Variants in IL10RB observed in about 807,000 individuals in gnomAD.
IL10RB encodes the protein interleukin-10 receptor subunit beta.
Under a neutral mutation model 38.7 loss-of-function variants are expected in IL10RB, and 30 were observed. The ratio of observed to expected loss-of-function variants is 0.78; its 90% CI spans 0.58 to 1.05. The LOEUF is 1.05. IL10RB is among the 50% of genes least tolerant of loss of function. IL10RB has a pLI of 0.00. For synonymous variants in IL10RB, 142 were observed against 145.9 expected, an observed-to-expected ratio of 0.97 and a Z score of 0.19; for missense variants, 328 against 397.1, an observed-to-expected ratio of 0.83 and a Z score of 1.48.
intron 6 of IL10RB, among the ~76,000 whole-genome samples, chr21:33,295,943 C>T (rs1796683671): frequency 6.6e-6 from 1 of 151,834 alleles, no homozygotes; most frequent in South Asian, 2.1e-4. Flanking sequence ...ACTTGGGAGG[C>T]TGAGGCAGGA....
chr21:33,280,541 A>G (rs1258320394), intron 4 of IL10RB, among the ~76,000 whole-genome samples: 3 of 152,128 alleles, frequency 2.0e-5, no homozygotes, highest in Non-Finnish European at 4.4e-5. Context: ...AACTCATCCC[A>G]TTGCCTGGAA....
chr21:33,268,157 A>G, intron 1 of IL10RB: 1 of 1,348,568 alleles, frequency 7.4e-7, no homozygotes, highest in East Asian at 2.8e-5. Context: ...CACCAGACAA[A>G]TCCAAGGCTC....
At chr21:33,305,923 C>T (rs750423888) in intron 1 of IL10RB, among the ~76,000 whole-genome samples, 1 of 152,104 alleles carries the variant, frequency 6.6e-6, no homozygotes, top group Non-Finnish European at 1.5e-5. Flanking sequence ...TCTCCACCTC[C>T]CAGGTTCAAC....
chr21:33,272,429 T>C (rs981820211), intron 2 of IL10RB, among the ~76,000 whole-genome samples: 1 of 152,092 alleles, frequency 6.6e-6, no homozygotes, highest in Non-Finnish European at 1.5e-5. Flanking sequence ...TTTTATTTTA[T>C]TTTATAAATT....
chr21:33,274,742 G>A (rs1442477037), intron 2 of IL10RB, among the ~76,000 whole-genome samples: 1 of 152,194 alleles, frequency 6.6e-6, no homozygotes, highest in African/African-American at 2.4e-5. Context: ...TCCAGGCTTT[G>A]TTGCTCCATT....
At chr21:33,290,779 CA>C (rs1301963872) in intron 6 of IL10RB, among the ~76,000 whole-genome samples, 1 of 152,336 alleles carries the variant, frequency 6.6e-6, no homozygotes, top group South Asian at 2.1e-4. Flanking sequence ...GGGATACGAC[CA>C]GGGGGGTCCC....
chr21:33,275,152 C>CTTTTTTTTTTTTTTTTT (rs71320298), intron 2 of IL10RB, among the ~76,000 whole-genome samples: 1 of 102,308 alleles, frequency 9.8e-6, no homozygotes. Flanking sequence ...TCCAACTTTT[C>CTTTTTTTTTTTTTTTTT]TTTTTTTTTT....
chr21:33,298,700 G>A (rs1052685374), downstream of IL10RB, among the ~76,000 whole-genome samples: 1 of 152,194 alleles, frequency 6.6e-6, no homozygotes, highest in Non-Finnish European at 1.5e-5. Flanking sequence ...GAAAAAAGAA[G>A]TTATTATCCA....
chr21:33,270,972 G>A (rs1989069212), intron 2 of IL10RB, among the ~76,000 whole-genome samples: 1 of 152,186 alleles, frequency 6.6e-6, no homozygotes, highest in Admixed American at 6.5e-5. Context: ...ACCACACCCA[G>A]CCCATGCCAT....
intron 6 of IL10RB, among the ~76,000 whole-genome samples, chr21:33,295,569 G>T (rs1026381122): frequency 3.3e-5 from 5 of 151,078 alleles, no homozygotes; most frequent in East Asian, 3.9e-4. Context: ...CTACTCAGGA[G>T]GCTGAGGGAG....
chr21:33,308,493 A>G (rs959034189), intron 1 of IL10RB: 8 of 152,232 alleles, frequency 5.3e-5, no homozygotes, highest in African/African-American at 1.9e-4. Flanking sequence ...ATTGCTAGGT[A>G]TAAGAACTGC....
chr21:33,270,516 GA>G (rs1186988565), intron 2 of IL10RB, among the ~76,000 whole-genome samples: 1 of 151,838 alleles, frequency 6.6e-6, no homozygotes, highest in African/African-American at 2.4e-5. Context: ...GAGTAGCTGG[GA>G]CTACAGGCGC....
chr21:33,288,329 G>T (rs1989416107), intron 6 of IL10RB, 68 bp downstream of exon 6: 1 of 1,391,310 alleles, frequency 7.2e-7, no homozygotes. Context: ...TTCTAGTTAG[G>T]GCTGCCCAAT....
In IL10RB at chr21:33,283,167, T is replaced by C. The variant is rs1199323225; in HGVS notation, c.572T>C (p.Val191Ala). ...CCATGGACAACTTATTGTGTTCAAG[T>C]TCGAGGGTTTCTTCCTGATCGGAAC... is the stretch of plus-strand genomic sequence containing the variant. ...LEPWTTYCVQ[V>A]RGFLPDRNKA... Residue 191 changes from valine to alanine, a missense_variant, in exon 5 of 7, where the codon GTT becomes GCT. Transcript: ENST00000290200. 6.2e-7 allele frequency: 1 copy of C among 1,614,088 alleles called. No individual in the cohort carries two copies. Among genetic ancestry groups the C allele is most frequent in the Non-Finnish European group, 8.5e-7 (1 of 1,179,966 alleles).
intron 1 of IL10RB, among the ~76,000 whole-genome samples, chr21:33,306,898 C>T (rs7277852): frequency 0.089 from 13,476 of 152,132 alleles, 819 homozygotes; most frequent in African/African-American, 0.17. Context: ...TTATTAAAAT[C>T]GGGTAAGTTT....
At chr21:33,273,979 T>C (rs926697266) in intron 2 of IL10RB, among the ~76,000 whole-genome samples, 4 of 152,182 alleles carry the variant, frequency 2.6e-5, no homozygotes, top group African/African-American at 4.8e-5. Flanking sequence ...TAAAGTCATC[T>C]ATGAGGGTTG....
Position 33,283,188 on chromosome 21 carries a change from G to C in IL10RB, c.593G>C (p.Arg198Pro). The C allele has an allele frequency of 6.2e-7, 1 of 1,614,060 alleles. No individual in the cohort carries two copies. Among genetic ancestry groups the C allele is most frequent in the Non-Finnish European group, 8.5e-7 (1 of 1,179,986 alleles). Residue 198 changes from arginine (R) to proline (P), a missense_variant, in exon 5 of 7, where the codon CGG becomes CCG. By Grantham distance (103) the Arg-to-Pro change is moderately radical (BLOSUM62 -2). Coordinates refer to ENST00000290200, the MANE Select transcript of IL10RB (RefSeq NM_000628.5). ...CVQVRGFLPD[R>P]NKAGEWSEPV... ...CAAGTTCGAGGGTTTCTTCCTGATC[G>C]GAACAAAGCTGGGGAATGGAGTGAG...
chr21:33,284,487 A>G (rs1989338566), intron 5 of IL10RB, among the ~76,000 whole-genome samples: 1 of 152,154 alleles, frequency 6.6e-6, no homozygotes. Context: ...CAAGTTTTCA[A>G]TGAGAGCATT....
At chr21:33,286,555 G>A (rs1989378726) in intron 5 of IL10RB, among the ~76,000 whole-genome samples, 1 of 152,140 alleles carries the variant, frequency 6.6e-6, no homozygotes, top group Non-Finnish European at 1.5e-5. Flanking sequence ...AGTAATGACT[G>A]GAGTTGGGAA....
Sources: gnomAD v4.1 joint callset for allele counts (sites outside exome capture counted in the v4.1 genomes callset) on GRCh38, gnomAD v4.1.1 for gene constraint, MANE v1.5 for transcripts, NCBI Gene and HGNC (gene_info 2026-07-23, HGNC 2026-07-21) for gene names.